ZNF680: variants seen among roughly 807,000 people sequenced by gnomAD.
ZNF680 encodes the protein hypothetical protein FLJ90430.
A neutral mutation model predicts 12.1 loss-of-function variants in ZNF680; 6 were observed. The observed-to-expected ratio is 0.49, with a 90% CI of 0.27 to 0.98. The LOEUF (loss-of-function observed/expected upper bound fraction) is 0.98. ZNF680 is among the 50% of genes least tolerant of loss of function. ZNF680 has a pLI of 0.12. For missense variants in ZNF680, 561 were observed against 616.3 expected (o/e 0.91, Z 0.95); for synonymous variants, 170 against 199.3 (o/e 0.85, Z 1.24).
chr7:64,528,856 G>A (rs1055676988), intron 3 of ZNF680, among the ~76,000 whole-genome samples: 1 of 152,144 alleles, frequency 6.6e-6, no homozygotes, highest in African/African-American at 2.4e-5. Context: ...TTCCCAGAAG[G>A]AGGCAAATCA....
At chr7:64,501,156 T>G in the ZNF680 span, 3 of 887,750 alleles carry the variant, frequency 3.4e-6, no homozygotes, top group Non-Finnish European at 5.6e-6. Flanking sequence ...CAGAACACCC[T>G]TCTCCATCGC....
chr7:64,507,824 A>AAC, the ZNF680 span, among the ~76,000 whole-genome samples: 245 of 136,522 alleles, frequency 1.8e-3, no homozygotes, highest in African/African-American at 4.8e-3. Flanking sequence ...AATTCCAGGA[A>AAC]ACACACACAC....
chr7:64,513,262 T>C, the ZNF680 span, among the ~76,000 whole-genome samples: 2 of 152,226 alleles, frequency 1.3e-5, no homozygotes, highest in Admixed American at 1.3e-4. Flanking sequence ...CAGTAAAATG[T>C]GTTTTTAGTA....
intron 3 of ZNF680, chr7:64,526,573 T>G: frequency 2.5e-6 from 1 of 400,578 alleles, no homozygotes. Context: ...AAAAAAAAAA[T>G]GATGCTGGAC....
intron 3 of ZNF680, among the ~76,000 whole-genome samples, chr7:64,532,296 C>T (rs1404956981): frequency 1.3e-5 from 2 of 150,262 alleles, no homozygotes; most frequent in Admixed American, 6.6e-5. Flanking sequence ...CAGAGAGAGA[C>T]TCCATCTCAA....
the ZNF680 span, among the ~76,000 whole-genome samples, chr7:64,508,564 CACTT>C: frequency 0.011 from 1,622 of 152,254 alleles, 26 homozygotes; most frequent in African/African-American, 0.037. Flanking sequence ...ACTAATCAGT[CACTT>C]ACAACGTGGT....
Position 64,526,453 on chromosome 7 carries a change from G to C in ZNF680, c.254-3953C>G, listed in dbSNP as rs939975047. 6.3e-6 allele frequency: 9 copies of C among 1,418,468 alleles called. No homozygotes were observed. In the African/African-American group the frequency reaches 1.3e-4, roughly 21 times the overall value. The allele number at this position is 1,418,468 out of a possible 1,614,324, so 87.9% of individuals were successfully genotyped here. On this transcript the variant is annotated intron_variant, in intron 3 of 3. Transcript: ENST00000309683. The stretch of plus-strand genomic sequence containing the variant: ...TTCTGTAATCCCACATCTTTAGGGA[G>C]GCCAAGGCAGTAAGATAACTTGAGA...
At chr7:64,553,925 C>T (rs1396979231) in intron 1 of ZNF680, among the ~76,000 whole-genome samples, 4 of 152,136 alleles carry the variant, frequency 2.6e-5, no homozygotes, top group Admixed American at 6.5e-5. Flanking sequence ...GGCGTGATCT[C>T]GGCTCGCTAC....
the ZNF680 span, among the ~76,000 whole-genome samples, chr7:64,514,135 A>C: frequency 6.6e-6 from 1 of 152,302 alleles, no homozygotes; most frequent in East Asian, 1.9e-4. Flanking sequence ...TGTCTTTTCT[A>C]ATGTCTAGCT....
chr7:64,561,520 T>C (rs1489667218), intron 1 of ZNF680, among the ~76,000 whole-genome samples: 1 of 152,234 alleles, frequency 6.6e-6, no homozygotes, highest in Non-Finnish European at 1.5e-5. Context: ...TTTACAATAG[T>C]GTCCAGGGAT....
At chr7:64,501,997 CTTTTTT>C in the ZNF680 span, among the ~76,000 whole-genome samples, 1 of 104,528 alleles carries the variant, frequency 9.6e-6, no homozygotes, top group African/African-American at 3.8e-5. Context: ...GGACGTATTT[CTTTTTT>C]TTTTTTTTTT....
the ZNF680 span, among the ~76,000 whole-genome samples, chr7:64,509,833 G>A: frequency 6.6e-6 from 1 of 152,004 alleles, no homozygotes; most frequent in African/African-American, 2.4e-5. Flanking sequence ...ACCCAAAGGA[G>A]AGAGAGAAGG....
Position 64,521,005 on chromosome 7 carries a change from G to A in ZNF680, c.*156C>T, listed in dbSNP as rs1317861078. The A allele has an allele frequency of 5.2e-6, 4 of 768,604 alleles. No homozygotes were observed. The African/African-American group carries it at 7.0e-5, about 14-fold the overall frequency. The allele number at this position is 768,604 out of a possible 1,614,324, so 47.6% of individuals were successfully genotyped here. A position where few individuals can be genotyped will look rare whatever the true frequency, so the allele number is the denominator to read the frequency against. On this transcript the variant is annotated 3_prime_UTR_variant, in exon 4 of 4. Coordinates refer to ENST00000309683, the MANE Select transcript of ZNF680 (RefSeq NM_178558.5). ...CCTGTGCAATAAGATGTGAGTATTGGTTAAGTTTTGTCACATTCTTTACAC... is the reference window on the plus strand; with the variant it reads ...CCTGTGCAATAAGATGTGAGTATTGATTAAGTTTTGTCACATTCTTTACAC...
chr7:64,531,540 T>C (rs1475725811), intron 3 of ZNF680, among the ~76,000 whole-genome samples: 2 of 138,856 alleles, frequency 1.4e-5, no homozygotes, highest in Non-Finnish European at 3.0e-5. Context: ...GAGCTTGCAG[T>C]GAGCCAAGAT....
At chr7:64,502,002 T>C in the ZNF680 span, among the ~76,000 whole-genome samples, 6 of 100,784 alleles carry the variant, frequency 6.0e-5, no homozygotes, top group South Asian at 3.7e-4. Flanking sequence ...TATTTCTTTT[T>C]TTTTTTTTTT....
At chr7:64,557,708 T>C (rs1269354079) in intron 1 of ZNF680, among the ~76,000 whole-genome samples, 4 of 152,086 alleles carry the variant, frequency 2.6e-5, no homozygotes, top group African/African-American at 7.2e-5. Context: ...GCCAATGTGG[T>C]GAAACCCCTG....
At chr7:64,514,304 T>C in the ZNF680 span, among the ~76,000 whole-genome samples, 2 of 152,218 alleles carry the variant, frequency 1.3e-5, no homozygotes, top group East Asian at 3.8e-4. Context: ...ATATAAAATA[T>C]CTAAGATTCT....
intron 3 of ZNF680, among the ~76,000 whole-genome samples, chr7:64,528,418 T>G (rs1785678351): frequency 6.6e-6 from 1 of 152,124 alleles, no homozygotes; most frequent in Non-Finnish European, 1.5e-5. Context: ...AGGAGGTGGG[T>G]AGCCTGGGGC....
chr7:64,503,643 G>A, the ZNF680 span, among the ~76,000 whole-genome samples: 2 of 152,204 alleles, frequency 1.3e-5, no homozygotes, highest in African/African-American at 4.8e-5. Context: ...GCCTCGCAAA[G>A]TGCTGGGATT....
Sources: allele counts gnomAD v4.1 joint callset (sites outside exome capture counted in the v4.1 genomes callset), GRCh38; gene constraint gnomAD v4.1.1; transcripts MANE v1.5; gene names NCBI Gene and HGNC (gene_info 2026-07-23, HGNC 2026-07-21).